Variants in ELN observed in about 807,000 individuals in gnomAD.
The protein encoded by ELN is elastin.
In ELN, 65 loss-of-function variants were observed where a neutral mutation model predicts 105.8. That is an observed-to-expected ratio of 0.61 (90% CI 0.50 to 0.75). The LOEUF (loss-of-function observed/expected upper bound fraction) is 0.75. Among genes scored for constraint, ELN ranks in the 30% least tolerant of loss-of-function variants. The pLI is 0.00. For missense variants in ELN, 882 were observed against 969.4 expected, an observed-to-expected ratio of 0.91 and a Z score of 1.20; for synonymous variants, 368 against 389.2, an observed-to-expected ratio of 0.95 and a Z score of 0.64.
chr7:74,064,241 C>A (rs1199971424), intron 29 of ELN, among the ~76,000 whole-genome samples: 1 of 145,386 alleles, frequency 6.9e-6, no homozygotes, highest in African/African-American at 2.6e-5. Flanking sequence ...CAGTGAAACC[C>A]CGTCTCTACT....
intron 18 of ELN, among the ~76,000 whole-genome samples, chr7:74,053,818 G>A (rs1794672435): frequency 6.6e-6 from 1 of 151,866 alleles, no homozygotes; most frequent in South Asian, 2.1e-4. Flanking sequence ...ATGGGTAGGT[G>A]AGTGGATGTG....
Position 74,046,730 on chromosome 7 carries a change from C to A in ELN, c.606C>A (p.Val202=), listed in dbSNP as rs972109557. 1.5e-5 allele frequency: 24 copies of A among 1,614,064 alleles called. No homozygotes were observed. The highest frequency in any genetic ancestry group is 2.0e-5 in the Non-Finnish European group (24 of 1,180,030). Residue 202 remains valine, a synonymous_variant, in exon 12 of 33, where the codon GTC becomes GTA. Coordinates refer to ENST00000252034, the MANE Select transcript of ELN (RefSeq NM_000501.4). The part of the protein sequence containing the change: ...VGPFGGPQPG[V]PLGYPIKAPK... Reference sequence around the variant, plus strand: ...CCTTTGGGGGACCGCAACCTGGAGTCCCACTGGGGTATCCCATCAAGGCCC... The same window carrying A: ...CCTTTGGGGGACCGCAACCTGGAGTACCACTGGGGTATCCCATCAAGGCCC...
At chr7:74,060,668 G>T in intron 25 of ELN, 167 bp downstream of exon 25, 1 of 1,535,890 alleles carries the variant, frequency 6.5e-7, no homozygotes, top group South Asian at 1.2e-5. Flanking sequence ...GAGGAGGGCA[G>T]ACCAGGCCAA....
Position 74,063,318 on chromosome 7 carries a change from C to CCCGCCG in ELN, c.1875_1880dup (p.Ala629_Ala630dup). 1 of 1,550,638 alleles carries CCCGCCG rather than the reference C, an allele frequency of 6.4e-7. No homozygotes were observed. The highest frequency in any genetic ancestry group is 1.2e-5 in the South Asian group (1 of 84,270). On this transcript the variant is annotated inframe_insertion, in exon 28 of 33. Coordinates refer to ENST00000252034, the MANE Select transcript of ELN (RefSeq NM_000501.4). The surrounding 1 kb of genome is among the most constrained non-coding windows in gnomAD (Gnocchi z 4.1). Reference sequence around the variant, plus strand: ...TCGGTCTGTGTTCCCAGGAGCCGGACCCGCCGCCGCCGCTGCCGCAGCCAA... The same window carrying CCCGCCG: ...TCGGTCTGTGTTCCCAGGAGCCGGACCCGCCGCCGCCGCCGCCGCTGCCGCAGCCAA...
chr7:74,039,872 G>C (rs945691026), intron 4 of ELN, among the ~76,000 whole-genome samples: 1 of 152,216 alleles, frequency 6.6e-6, no homozygotes, highest in Non-Finnish European at 1.5e-5. Flanking sequence ...TGCTCATGGA[G>C]GCTGGGTAGC....
intron 9 of ELN, 85 bp downstream of exon 9, chr7:74,044,005 G>A: frequency 6.4e-7 from 1 of 1,558,488 alleles, no homozygotes; most frequent in Non-Finnish European, 8.8e-7. Context: ...CATTGCTTTG[G>A]GAGACTGAGG....
At chr7:74,052,140 G>C in intron 17 of ELN, 157 bp downstream of exon 17, 1 of 807,560 alleles carries the variant, frequency 1.2e-6, no homozygotes. Flanking sequence ...CTCTACCTGA[G>C]ATGCCATCTC....
chr7:74,044,775 G>C (rs1341022666), intron 9 of ELN, among the ~76,000 whole-genome samples: 2 of 152,260 alleles, frequency 1.3e-5, no homozygotes, highest in African/African-American at 4.8e-5. Flanking sequence ...GGGGAGACAG[G>C]AGAGGTGGAA....
At chr7:74,062,534 A>C (rs1796927624) in intron 26 of ELN, among the ~76,000 whole-genome samples, 1 of 152,070 alleles carries the variant, frequency 6.6e-6, no homozygotes, top group Non-Finnish European at 1.5e-5. Flanking sequence ...TGCTGTAGAT[A>C]CTATTACCGT....
At chr7:74,050,853 T>C (rs1793883565) in intron 15 of ELN, among the ~76,000 whole-genome samples, 1 of 151,910 alleles carries the variant, frequency 6.6e-6, no homozygotes, top group Non-Finnish European at 1.5e-5. Context: ...GCCTTAAAAA[T>C]AAAGATGGAG....
chr7:74,039,882 C>A (rs1232793454), intron 4 of ELN, among the ~76,000 whole-genome samples: 1 of 152,206 alleles, frequency 6.6e-6, no homozygotes, highest in Non-Finnish European at 1.5e-5. Context: ...GGCTGGGTAG[C>A]AGCAGCAGGG....
chr7:74,057,247 A>T, intron 21 of ELN: 1 of 772,366 alleles, frequency 1.3e-6, no homozygotes, highest in South Asian at 2.7e-5. Context: ...CTAAAAATAA[A>T]AAAAAAAGAA....
rs781789233 is a variant in ELN, at chr7:74,051,898, C to T, written c.890-26C>T. ...CTTGAGATGGCCACAGGGCAAGGAC[C>T]TCACCCTCTGTGGCTGTGTTTTCAG... is the stretch of plus-strand genomic sequence containing the variant. On this transcript the variant is annotated intron_variant, in intron 16 of 32. Coordinates refer to ENST00000252034, the MANE Select transcript of ELN (RefSeq NM_000501.4). The T allele has an allele frequency of 3.1e-6, 5 of 1,614,102 alleles. No individual in the cohort carries two copies. In the Admixed American group the frequency reaches 8.3e-5, roughly 27 times the overall value.
In ELN at chr7:74,069,581, C is replaced by A. The variant is rs781798908; in HGVS notation, c.*881C>A. 1 of 233,634 alleles carries A rather than the reference C, an allele frequency of 4.3e-6. No homozygotes were observed. The highest frequency in any genetic ancestry group is 6.0e-5 in the East Asian group (1 of 16,566). The allele number at this position is 233,634 out of a possible 1,614,324, so 14.5% of individuals were successfully genotyped here. On this transcript the variant is annotated 3_prime_UTR_variant, in exon 33 of 33. Coordinates refer to ENST00000252034, the MANE Select transcript of ELN (RefSeq NM_000501.4). ...TACTGTATACCCCCCATCCCTCCCT[C>A]GGTCCACTGAACTTCAGAGCAGTTC... is the stretch of plus-strand genomic sequence containing the variant.
Position 74,057,716 on chromosome 7 carries a change from G to T in ELN, c.1414+20G>T, listed in dbSNP as rs200995478. On this transcript the variant is annotated intron_variant, in intron 22 of 32. Coordinates refer to ENST00000252034, the MANE Select transcript of ELN (RefSeq NM_000501.4). Reference sequence around the variant, plus strand: ...AGTTTGGTAAGTCCCCCTCACCCCCGCCACTGGCTCACGGAGAACTGCTTT... The same window carrying T: ...AGTTTGGTAAGTCCCCCTCACCCCCTCCACTGGCTCACGGAGAACTGCTTT... 1.2e-6 allele frequency: 2 copies of T among 1,612,486 alleles called. No homozygotes were observed. Among genetic ancestry groups the T allele is most frequent in the Non-Finnish European group, 1.7e-6 (2 of 1,179,768 alleles).
chr7:74,069,058 C>T lies in ELN; in HGVS notation c.*358C>T, dbSNP rs1489252176. 18 of 415,024 alleles carry T rather than the reference C, an allele frequency of 4.3e-5. No individual in the cohort carries two copies. The highest frequency in any genetic ancestry group is 6.8e-5 in the Non-Finnish European group (15 of 221,390). 25.7% of individuals were successfully genotyped at this position (415,024 alleles called of 1,614,324 possible). A position where few individuals can be genotyped will look rare whatever the true frequency, so the allele number is the denominator to read the frequency against. ...GAGGGAGGAGGGAAGGGTGGCCCCT[C>T]GGGGAACCCCCTACCTGGGGCTCCT... On this transcript the variant is annotated 3_prime_UTR_variant, in exon 33 of 33. Coordinates refer to ENST00000252034, the MANE Select transcript of ELN (RefSeq NM_000501.4).
intron 4 of ELN, among the ~76,000 whole-genome samples, chr7:74,038,677 C>T (rs890342843): frequency 2.6e-5 from 4 of 152,342 alleles, no homozygotes; most frequent in Non-Finnish European, 4.4e-5. Flanking sequence ...TGACTTTGGC[C>T]GCCCCACACC....
In ELN at chr7:74,057,662, A is replaced by G. The variant is rs1554681146; in HGVS notation, c.1380A>G (p.Ala460=). 7.4e-6 allele frequency: 12 copies of G among 1,613,718 alleles called. No individual in the cohort carries two copies. The highest frequency in any genetic ancestry group is 1.1e-5 in the South Asian group (1 of 91,068). ...AKYGVGTPAA[A]AAKAAAKAAQ... ...CAGGAGTGGGGACCCCAGCAGCTGC[A>G]GCTGCTAAAGCAGCCGCCAAAGCCG... is the stretch of plus-strand genomic sequence containing the variant. Residue 460 remains alanine (A), a synonymous_variant, in exon 22 of 33, where the codon GCA becomes GCG. Transcript: ENST00000252034.
Position 74,028,183 on chromosome 7 carries a change from C to T in ELN, c.-5C>T. ...GGAGAGCGGGCTGGGGCATTTCTCCCCGAGATGGCGGGTCTGACGGCGGCG... is the reference window on the plus strand; with the variant it reads ...GGAGAGCGGGCTGGGGCATTTCTCCTCGAGATGGCGGGTCTGACGGCGGCG... On this transcript the variant is annotated 5_prime_UTR_variant, in exon 1 of 33. Coordinates refer to ENST00000252034, the MANE Select transcript of ELN (RefSeq NM_000501.4). The T allele has an allele frequency of 1.2e-6, 2 of 1,611,170 alleles. No individual in the cohort carries two copies. Among genetic ancestry groups the T allele is most frequent in the East Asian group, 4.5e-5 (2 of 44,748 alleles).
Sources: gnomAD v4.1 joint callset for allele counts (sites outside exome capture counted in the v4.1 genomes callset) on GRCh38, gnomAD v4.1.1 for gene constraint, Gnocchi (gnomAD v3.1) non-coding constraint, MANE v1.5 for transcripts, NCBI Gene and HGNC (gene_info 2026-07-23, HGNC 2026-07-21) for gene names.